Variants in CFAP52 observed in about 807,000 individuals in gnomAD.
CFAP52 encodes cilia and flagella associated protein 52, also known as cilia- and flagella-associated protein 52.
CFAP52 carries 57 observed loss-of-function variants against 70.5 expected under a neutral mutation model. The observed-to-expected ratio is 0.81, with a 90% CI of 0.65 to 1.01. CFAP52 has a LOEUF of 1.01. Among genes scored for constraint, CFAP52 ranks in the 50% least tolerant of loss-of-function variants. The pLI, the probability that CFAP52 is intolerant of heterozygous loss-of-function variation, is 0.00. For synonymous variants in CFAP52, 267 were observed against 292.5 expected (o/e 0.91, Z 0.89); for missense variants, 785 against 788.5 (o/e 1.00, Z 0.05).
chr17:9,631,050 G>GAA (rs746970124), intron 9 of CFAP52, among the ~76,000 whole-genome samples: 2,382 of 98,346 alleles, frequency 0.024, 49 homozygotes, highest in Non-Finnish European at 0.031. Flanking sequence ...GAGAGAGAGA[G>GAA]AGAGAAAGAA....
In CFAP52 at chr17:9,635,325, G is replaced by A. The variant is rs143991289; in HGVS notation, c.1321-80G>A. On this transcript the variant is annotated intron_variant, in intron 10 of 13. Transcript: ENST00000352665. ...AAACACAAATCAAGCATAGCAAAGG[G>A]GAAAAAGCTCTTGGAATCTTTTCCT... The A allele has an allele frequency of 9.0e-5, 142 of 1,569,540 alleles. 1 individual carries two copies. The East Asian group carries it at 3.2e-3, about 35-fold the overall frequency.
downstream of CFAP52, chr17:9,644,571 G>A (rs1168109470): frequency 7.0e-6 from 1 of 143,696 alleles, no homozygotes; most frequent in Non-Finnish European, 1.5e-5. Flanking sequence ...CCTGACAGTT[G>A]CATGGGATAA....
chr17:9,607,502 A>G (rs907647598), intron 6 of CFAP52, among the ~76,000 whole-genome samples: 5 of 152,242 alleles, frequency 3.3e-5, no homozygotes, highest in African/African-American at 1.2e-4. Context: ...CAACCTTTGA[A>G]GAGCACTTTA....
chr17:9,586,513 G>C (rs569131953), intron 2 of CFAP52, among the ~76,000 whole-genome samples, 185 bp from the exon 3 acceptor site: 115 of 146,904 alleles, frequency 7.8e-4, no homozygotes, highest in African/African-American at 2.8e-3. Flanking sequence ...GCAGTGAGCA[G>C]AGATCTCGCC....
At chr17:9,597,338 G>C (rs1046448249) in intron 4 of CFAP52, among the ~76,000 whole-genome samples, 1 of 151,930 alleles carries the variant, frequency 6.6e-6, no homozygotes, top group Non-Finnish European at 1.5e-5. Context: ...GTAATATATT[G>C]TATACTTGAA....
intron 3 of CFAP52, among the ~76,000 whole-genome samples, chr17:9,587,073 T>C (rs1205567238): frequency 6.6e-6 from 1 of 152,126 alleles, no homozygotes; most frequent in Non-Finnish European, 1.5e-5. Context: ...TATGTGTTCA[T>C]GTGTTCTCAT....
intron 7 of CFAP52, among the ~76,000 whole-genome samples, chr17:9,610,729 G>T (rs1597783471): frequency 6.6e-6 from 1 of 151,992 alleles, no homozygotes; most frequent in East Asian, 1.9e-4. Flanking sequence ...AGTAGAGATG[G>T]GGTTTCACCC....
intron 1 of CFAP52, chr17:9,584,377 C>T (rs187903909): frequency 1.1e-5 from 14 of 1,274,986 alleles, no homozygotes; most frequent in Non-Finnish European, 1.1e-5. Flanking sequence ...ACCTGGTGGG[C>T]ACTCAGAACT....
chr17:9,613,664 T>A (rs1474150020), intron 8 of CFAP52, among the ~76,000 whole-genome samples: 1 of 152,008 alleles, frequency 6.6e-6, no homozygotes, highest in African/African-American at 2.4e-5. Flanking sequence ...ATTACAGGCA[T>A]GCACCACCAC....
At chr17:9,640,758 C>T (rs1319730038) in intron 12 of CFAP52, among the ~76,000 whole-genome samples, 2 of 152,070 alleles carry the variant, frequency 1.3e-5, no homozygotes, top group Non-Finnish European at 2.9e-5. Context: ...ATTCTCATGC[C>T]TCACCCTCCC....
intron 3 of CFAP52, among the ~76,000 whole-genome samples, chr17:9,592,295 T>G (rs770719369): frequency 2.1e-4 from 32 of 151,910 alleles, no homozygotes; most frequent in Non-Finnish European, 1.9e-4. Context: ...AAACCCTGTC[T>G]CTACTAAAAA....
chr17:9,576,986 T>C (rs895073694), intron 1 of CFAP52, among the ~76,000 whole-genome samples: 2 of 152,196 alleles, frequency 1.3e-5, no homozygotes, highest in Admixed American at 1.3e-4. Context: ...AGATGGTTTT[T>C]ACCAGCTCGG....
chr17:9,616,258 G>T (rs1909914298), intron 8 of CFAP52, among the ~76,000 whole-genome samples: 1 of 146,322 alleles, frequency 6.8e-6, no homozygotes, highest in African/African-American at 2.6e-5. Context: ...GGAAAATCGG[G>T]TCACTCCCAC....
intron 9 of CFAP52, among the ~76,000 whole-genome samples, chr17:9,629,538 G>C (rs1168598757): frequency 1.6e-5 from 2 of 126,196 alleles, no homozygotes; most frequent in African/African-American, 6.0e-5. Flanking sequence ...TTTCTTCCTT[G>C]CTTGCTTGCT....
chr17:9,589,704 G>T (rs1223689498), intron 3 of CFAP52, among the ~76,000 whole-genome samples: 4 of 145,994 alleles, frequency 2.7e-5, no homozygotes, highest in African/African-American at 1.0e-4. Context: ...TTGCACTCCA[G>T]CCTGGGGACA....
chr17:9,622,552 A>AAGAAGAAGAAGAAGAAGAAG (rs113311384), intron 8 of CFAP52, among the ~76,000 whole-genome samples: 1 of 151,376 alleles, frequency 6.6e-6, no homozygotes, highest in African/African-American at 2.4e-5. Context: ...ATTAAAAAAA[A>AAGAAGAAGAAGAAGAAGAAG]AAGAAGAAGA....
chr17:9,577,524 C>G (rs771305232), intron 1 of CFAP52, among the ~76,000 whole-genome samples: 2 of 152,090 alleles, frequency 1.3e-5, no homozygotes, highest in Non-Finnish European at 2.9e-5. Context: ...TTAGGAGAAG[C>G]AAAACTTTTC....
intron 7 of CFAP52, among the ~76,000 whole-genome samples, chr17:9,609,832 G>C (rs963353724): frequency 6.6e-6 from 1 of 151,872 alleles, no homozygotes; most frequent in Non-Finnish European, 1.5e-5. Flanking sequence ...AGGGAGGGAG[G>C]AGTCTTTAGA....
intron 1 of CFAP52, among the ~76,000 whole-genome samples, chr17:9,580,493 G>A (rs1489048088): frequency 6.6e-6 from 1 of 152,098 alleles, no homozygotes; most frequent in Non-Finnish European, 1.5e-5. Flanking sequence ...TTTGAGACCA[G>A]CCTGGGCAAC....
Sources: allele counts gnomAD v4.1 joint callset (sites outside exome capture counted in the v4.1 genomes callset), GRCh38; gene constraint gnomAD v4.1.1; transcripts MANE v1.5; gene names NCBI Gene and HGNC (gene_info 2026-07-23, HGNC 2026-07-21).